Variants in TTLL11 observed in about 807,000 individuals in gnomAD.
The protein encoded by TTLL11 is tubulin tyrosine ligase like 11, also known as tubulin polyglutamylase TTLL11.
A neutral mutation model predicts 51.7 loss-of-function variants in TTLL11; 42 were observed. The observed-to-expected ratio is 0.81, with a 90% CI of 0.64 to 1.05. The LOEUF is 1.05. Among genes scored for constraint, TTLL11 ranks in the 50% least tolerant of loss-of-function variants. The pLI is 0.00. For missense variants in TTLL11, 799 were observed against 940.4 expected, an observed-to-expected ratio of 0.85 and a Z score of 1.97; for synonymous variants, 381 against 383.5, an observed-to-expected ratio of 0.99 and a Z score of 0.08.
intron 1 of TTLL11, among the ~76,000 whole-genome samples, chr9:122,070,006 C>G (rs958360334): frequency 2.0e-5 from 3 of 151,800 alleles, no homozygotes; most frequent in Non-Finnish European, 4.4e-5. Flanking sequence ...CACACACACA[C>G]ACACACGCGC....
chr9:121,994,317 G>T (rs1843194774), intron 3 of TTLL11, among the ~76,000 whole-genome samples: 1 of 152,136 alleles, frequency 6.6e-6, no homozygotes, highest in Non-Finnish European at 1.5e-5. Context: ...GGTGGAGGGG[G>T]TATGCACATG....
Position 121,853,150 on chromosome 9 carries a change from A to G in TTLL11, c.1840+7187T>C, listed in dbSNP as rs758642898. On this transcript the variant is annotated intron_variant, in intron 8 of 8. Transcript: ENST00000321582. The surrounding 1 kb of genome is among the most constrained non-coding windows in gnomAD (Gnocchi z 5.6). ...GCTGAGAGATGGTCATGAGGCTCAG[A>G]CACCCATGGGATTGGTGGGTTGCCG... 6.6e-6 allele frequency among the ~76,000 whole-genome samples: 1 copy of G among 152,170 alleles called. No homozygotes were observed. The highest frequency in any genetic ancestry group is 1.5e-5 in the Non-Finnish European group (1 of 68,036).
chr9:121,899,378 CATATAT>C (rs747040027), intron 6 of TTLL11, among the ~76,000 whole-genome samples: 142 of 130,444 alleles, frequency 1.1e-3, no homozygotes, highest in East Asian at 1.8e-3. Context: ...TATATATATA[CATATAT>C]ATATATATAT....
chr9:121,977,444 C>T (rs545845112), intron 4 of TTLL11, among the ~76,000 whole-genome samples: 39 of 152,200 alleles, frequency 2.6e-4, no homozygotes, highest in Admixed American at 1.4e-3. Flanking sequence ...TCAATATATG[C>T]TATCTCTTTC....
chr9:121,848,094 C>T (rs553685572), intron 8 of TTLL11, among the ~76,000 whole-genome samples: 24 of 152,120 alleles, frequency 1.6e-4, no homozygotes, highest in Non-Finnish European at 3.5e-4. Flanking sequence ...GTAGCCCTAA[C>T]CACTCAGGAG....
At chr9:121,942,792 C>T (rs1320972831) in intron 6 of TTLL11, among the ~76,000 whole-genome samples, 2 of 134,984 alleles carry the variant, frequency 1.5e-5, no homozygotes, top group African/African-American at 2.7e-5. Flanking sequence ...TTCACACTTT[C>T]CTGCCTTTGC....
At chr9:121,932,779 T>C (rs1267841972) in intron 6 of TTLL11, among the ~76,000 whole-genome samples, 1 of 152,090 alleles carries the variant, frequency 6.6e-6, no homozygotes, top group Non-Finnish European at 1.5e-5. Flanking sequence ...TTCAAGAGGA[T>C]GGAGCTCCGA....
intron 6 of TTLL11, among the ~76,000 whole-genome samples, chr9:121,942,025 C>A (rs10739601): frequency 0.37 from 56,663 of 151,932 alleles, 10,830 homozygotes; most frequent in East Asian, 0.57. Context: ...GAATAACCTG[C>A]CCTTCTCCCA....
At chr9:121,959,289 T>G (rs972694035) in intron 6 of TTLL11, among the ~76,000 whole-genome samples, 1 of 152,154 alleles carries the variant, frequency 6.6e-6, no homozygotes, top group Non-Finnish European at 1.5e-5. Flanking sequence ...AATCCGCACA[T>G]GGGGACCAAA....
In TTLL11 at chr9:122,018,638, G is replaced by A. The variant is rs529379542; in HGVS notation, c.693+13085C>T. On this transcript the variant is annotated intron_variant, in intron 3 of 8. Coordinates refer to ENST00000321582, the MANE Select transcript of TTLL11 (RefSeq NM_001139442.2). ...GTCGAGGAGAGGGAACCAAGATCCT[G>A]TAAGGAAGAGATGATGGTGCCAGGG... Among the ~76,000 whole-genome samples the A allele has an allele frequency of 2.2e-4, 33 of 152,318 alleles. 1 individual carries two copies. Among genetic ancestry groups the A allele is most frequent in the Middle Eastern group, 3.4e-3 (1 of 294 alleles).
intron 1 of TTLL11, among the ~76,000 whole-genome samples, chr9:122,066,122 CA>C (rs1485978609): frequency 6.6e-6 from 1 of 151,372 alleles, no homozygotes; most frequent in African/African-American, 2.4e-5. Context: ...ATGCATGTTC[CA>C]AAAATGATAG....
At chr9:121,938,071 T>C (rs1841298547) in intron 6 of TTLL11, among the ~76,000 whole-genome samples, 1 of 152,026 alleles carries the variant, frequency 6.6e-6, no homozygotes, top group Non-Finnish European at 1.5e-5. Flanking sequence ...GGGTGGATCA[T>C]GAGGTCAAGA....
In TTLL11 at chr9:121,839,274, C is replaced by A. The variant is rs1837282745; in HGVS notation, c.1841-16395G>T. Among the ~76,000 whole-genome samples, 3 of 152,248 alleles carry A rather than the reference C, an allele frequency of 2.0e-5. No individual in the cohort carries two copies. The South Asian group carries it at 6.2e-4, about 32-fold the overall frequency. On this transcript the variant is annotated intron_variant, in intron 8 of 8. Transcript: ENST00000321582. Reference sequence around the variant, plus strand: ...GCTAGGGCTTGGGTGTTCTGTTCATCCCTGCACGTCCCCATCACCCCCAGT... The same window carrying A: ...GCTAGGGCTTGGGTGTTCTGTTCATACCTGCACGTCCCCATCACCCCCAGT...
chr9:121,919,057 C>T (rs1478263728), intron 6 of TTLL11, among the ~76,000 whole-genome samples: 1 of 152,118 alleles, frequency 6.6e-6, no homozygotes, highest in Non-Finnish European at 1.5e-5. Flanking sequence ...CATTCTATGA[C>T]AACACACTGA....
chr9:122,052,018 C>CA (rs914336336), intron 1 of TTLL11, among the ~76,000 whole-genome samples: 11 of 149,992 alleles, frequency 7.3e-5, no homozygotes, highest in East Asian at 3.9e-4. Context: ...CAAGAGTGGA[C>CA]AAAAAAAAAC....
intron 6 of TTLL11, among the ~76,000 whole-genome samples, chr9:121,921,089 G>GTCAT (rs1840523770): frequency 6.6e-6 from 1 of 152,186 alleles, no homozygotes; most frequent in South Asian, 2.1e-4. Context: ...GAATTTTTTA[G>GTCAT]TCATTCATTC....
In TTLL11 at chr9:121,974,092, G is replaced by C; in HGVS notation, c.1398C>G (p.Ser466Arg). The C allele has an allele frequency of 6.4e-7, 1 of 1,551,640 alleles. No individual in the cohort carries two copies. The highest frequency in any genetic ancestry group is 1.2e-5 in the South Asian group (1 of 84,056). ...CCACTTTCACTTCTTCATCAACGAG[G>C]CTGGGGACATTTTCAAACACCCCTG... Reference protein sequence around the residue: ...LSPGVFENVPSLVDEEVKVAV... With the variant: ...LSPGVFENVPRLVDEEVKVAV... Residue 466 changes from serine to arginine, a missense_variant, in exon 6 of 9, where the codon AGC becomes AGG. Around this residue, in one of 3 missense-constraint regions of TTLL11, gnomAD observed 468 missense variants for 612.8 expected, o/e 0.76. Coordinates refer to ENST00000321582, the MANE Select transcript of TTLL11 (RefSeq NM_001139442.2).
intron 6 of TTLL11, among the ~76,000 whole-genome samples, chr9:121,939,442 A>G (rs1405969367): frequency 6.6e-6 from 1 of 152,228 alleles, no homozygotes; most frequent in African/African-American, 2.4e-5. Context: ...CGTATCATTT[A>G]TACAAAAAGG....
chr9:121,908,883 C>T (rs999187892), intron 6 of TTLL11, among the ~76,000 whole-genome samples: 5 of 152,230 alleles, frequency 3.3e-5, no homozygotes, highest in Admixed American at 6.5e-5. Context: ...TTGATTACAT[C>T]TGTAAATACC....
Sources: allele counts gnomAD v4.1 joint callset (sites outside exome capture counted in the v4.1 genomes callset), GRCh38; gene constraint gnomAD v4.1.1; regional missense constraint gnomAD v4.1.1; non-coding constraint Gnocchi (gnomAD v3.1); transcripts MANE v1.5; gene names NCBI Gene and HGNC (gene_info 2026-07-23, HGNC 2026-07-21).